The following GPHN variants were observed in gnomAD, a reference collection of about 807,000 sequenced individuals.
GPHN encodes gephyrin.
In GPHN, 17 loss-of-function variants were observed where a neutral mutation model predicts 95.5. The observed-to-expected ratio is 0.18, with a 90% confidence interval of 0.12 to 0.27. The LOEUF is 0.27. Among genes scored for constraint, GPHN ranks in the 10% least tolerant of loss-of-function variants. The probability of loss-of-function intolerance (pLI) is 1.00; values close to 1 mark genes in which losing one functional copy is unlikely to be tolerated. For synonymous variants in GPHN, 320 were observed against 322.5 expected (o/e 0.99, Z 0.08); for missense variants, 660 against 978.1 (o/e 0.67, Z 4.34).
At chr14:66,560,890 G>A (rs550824598) in intron 1 of GPHN, among the ~76,000 whole-genome samples, 1 of 152,212 alleles carries the variant, frequency 6.6e-6, no homozygotes, top group East Asian at 1.9e-4. Flanking sequence ...GTCATAGATA[G>A]CTCTTATTAT....
chr14:67,650,885 G>A, the GPHN span: 5 of 1,614,002 alleles, frequency 3.1e-6, no homozygotes, highest in Non-Finnish European at 4.2e-6. Context: ...CAGTTCACCA[G>A]ATGAATCAGA....
At chr14:67,443,309 C>A in the GPHN span, among the ~76,000 whole-genome samples, 1 of 152,168 alleles carries the variant, frequency 6.6e-6, no homozygotes, top group Non-Finnish European at 1.5e-5. Flanking sequence ...TAAGACTTTT[C>A]TTCCAGCTAA....
chr14:66,522,889 G>T (rs945790501), intron 1 of GPHN, among the ~76,000 whole-genome samples: 5 of 151,282 alleles, frequency 3.3e-5, no homozygotes, highest in Non-Finnish European at 5.9e-5. Context: ...GACCAGTCTT[G>T]GTTCTGTTAC....
the GPHN span, chr14:67,586,231 T>C: frequency 1.7e-6 from 2 of 1,178,736 alleles, no homozygotes; most frequent in Admixed American, 1.7e-5. Context: ...TGTCTGTAAT[T>C]AGTATTCCAA....
At chr14:66,600,092 C>A (rs1461395864) in intron 1 of GPHN, among the ~76,000 whole-genome samples, 1 of 151,818 alleles carries the variant, frequency 6.6e-6, no homozygotes, top group South Asian at 2.1e-4. Flanking sequence ...GTTTTGGATT[C>A]TTTTGCATAT....
chr14:66,627,467 T>C (rs1473544636), intron 1 of GPHN, among the ~76,000 whole-genome samples: 1 of 152,052 alleles, frequency 6.6e-6, no homozygotes. Context: ...TGTATCATAA[T>C]TTATTATTAA....
At chr14:67,227,171 G>T in the GPHN span, among the ~76,000 whole-genome samples, 19 of 152,006 alleles carry the variant, frequency 1.2e-4, no homozygotes, top group Admixed American at 1.0e-3. Flanking sequence ...GCTGGGCGTG[G>T]TGGCTCACGC....
the GPHN span, among the ~76,000 whole-genome samples, chr14:67,316,230 C>A: frequency 2.0e-5 from 3 of 152,060 alleles, no homozygotes; most frequent in Non-Finnish European, 4.4e-5. Context: ...AGGTCAGGAA[C>A]CTTGAAAGCC....
At chr14:67,325,650 G>A in the GPHN span, among the ~76,000 whole-genome samples, 23,555 of 152,050 alleles carry the variant, frequency 0.15, 3,437 homozygotes, top group East Asian at 0.42. Flanking sequence ...AAAAGGATGC[G>A]CACTAAGGAC....
At chr14:67,439,373 A>G in the GPHN span, among the ~76,000 whole-genome samples, 1 of 152,180 alleles carries the variant, frequency 6.6e-6, no homozygotes, top group Non-Finnish European at 1.5e-5. Flanking sequence ...TGCAGTAGAC[A>G]CTTCTCTTCT....
At chr14:67,422,848 T>G in the GPHN span, among the ~76,000 whole-genome samples, 1 of 146,552 alleles carries the variant, frequency 6.8e-6, no homozygotes, top group African/African-American at 2.7e-5. Flanking sequence ...TTTTTTTTTT[T>G]GAGATGGAGT....
At chr14:67,565,356 ACCCCAGCCTTCT>A in the GPHN span, among the ~76,000 whole-genome samples, 1 of 151,958 alleles carries the variant, frequency 6.6e-6, no homozygotes, top group Non-Finnish European at 1.5e-5. Context: ...GGATCTTTCC[ACCCCAGCCTTCT>A]GAGCAGCTGG....
the GPHN span, among the ~76,000 whole-genome samples, chr14:67,444,150 A>G: frequency 6.6e-6 from 1 of 152,158 alleles, no homozygotes; most frequent in East Asian, 1.9e-4. Context: ...TCTTACACAT[A>G]TGTATTGATG....
At chr14:66,749,997 T>C (rs957245384) in intron 2 of GPHN, among the ~76,000 whole-genome samples, 1 of 151,854 alleles carries the variant, frequency 6.6e-6, no homozygotes, top group Non-Finnish European at 1.5e-5. Context: ...TTACAAACAA[T>C]CCATTTATAC....
chr14:67,510,396 T>C, the GPHN span, among the ~76,000 whole-genome samples: 3 of 152,170 alleles, frequency 2.0e-5, no homozygotes, highest in Non-Finnish European at 4.4e-5. Flanking sequence ...AGACGAATCA[T>C]TGCCCAATGA....
the GPHN span, chr14:67,572,068 C>G: frequency 1.9e-6 from 3 of 1,538,486 alleles, no homozygotes; most frequent in African/African-American, 2.7e-5. Context: ...CAAGTCTCAG[C>G]AGCTCCTGGG....
At chr14:66,722,759 A>C (rs1166994688) in intron 2 of GPHN, among the ~76,000 whole-genome samples, 1 of 152,134 alleles carries the variant, frequency 6.6e-6, no homozygotes, top group Non-Finnish European at 1.5e-5. Context: ...GCTTATTAAA[A>C]AACAACAACA....
At chr14:67,645,952 C>A in the GPHN span, 1 of 909,682 alleles carries the variant, frequency 1.1e-6, no homozygotes, top group Non-Finnish European at 1.6e-6. Flanking sequence ...AGGCAGTCTG[C>A]CAGATGCTAG....
intron 1 of GPHN, among the ~76,000 whole-genome samples, chr14:66,585,586 T>G (rs1009810256): frequency 8.5e-5 from 13 of 152,182 alleles, no homozygotes; most frequent in South Asian, 8.3e-4. Flanking sequence ...CTGGTATGTT[T>G]TGTCTTTGTT....
Sources: gnomAD v4.1 joint callset for allele counts (sites outside exome capture counted in the v4.1 genomes callset) on GRCh38, gnomAD v4.1.1 for gene constraint, MANE v1.5 for transcripts, NCBI Gene and HGNC (gene_info 2026-07-23, HGNC 2026-07-21) for gene names.